PDE3A: variants seen among roughly 807,000 people sequenced by gnomAD.
The protein encoded by PDE3A is phosphodiesterase 3A, also known as cGMP-inhibited 3',5'-cyclic phosphodiesterase 3A.
Under a neutral mutation model 98.3 loss-of-function variants are expected in PDE3A, and 43 were observed. That is an observed-to-expected ratio of 0.44 (90% CI 0.34 to 0.56). The LOEUF (loss-of-function observed/expected upper bound fraction) is 0.56. Among genes scored for constraint, PDE3A ranks in the 20% least tolerant of loss-of-function variants. The pLI is 0.01. For synonymous variants in PDE3A, 663 were observed against 567.9 expected (o/e 1.17, Z -2.38); for missense variants, 1,427 against 1,440.7 (o/e 0.99, Z 0.15).
chr12:20,604,531 G>T (rs78190456), intron 2 of PDE3A, among the ~76,000 whole-genome samples: 5,650 of 152,074 alleles, frequency 0.037, 143 homozygotes, highest in Non-Finnish European at 0.054. Context: ...TAGCTTTCTA[G>T]CTCTTGTTCC....
intron 2 of PDE3A, among the ~76,000 whole-genome samples, chr12:20,610,069 T>C (rs1943810447): frequency 6.6e-6 from 1 of 151,858 alleles, no homozygotes; most frequent in Non-Finnish European, 1.5e-5. Flanking sequence ...ACTAAATAGC[T>C]TCTGCACAGG....
Position 20,552,947 on chromosome 12 carries a change from A to C in PDE3A, c.961-3713A>C. 6.4e-7 allele frequency: 1 copy of C among 1,571,792 alleles called. No individual in the cohort carries two copies. Among genetic ancestry groups the C allele is most frequent in the Admixed American group, 1.9e-5 (1 of 53,378 alleles). Reference sequence around the variant, plus strand: ...GACCTGGGCCGCAGCTATGCCATGCAGGTGAACCAGCCTCTGCAGACCGTC... The same window carrying C: ...GACCTGGGCCGCAGCTATGCCATGCCGGTGAACCAGCCTCTGCAGACCGTC... On this transcript the variant is annotated intron_variant, in intron 1 of 15. Coordinates refer to ENST00000359062, the MANE Select transcript of PDE3A (RefSeq NM_000921.5). This position sits in a 1 kb window ranked among gnomAD's most constrained non-coding sequence, Gnocchi z 5.1.
rs143896298 is a variant in PDE3A at position 20,580,842 on chromosome 12, C to T, written c.1011+24132C>T. Among the ~76,000 whole-genome samples, 66 of 152,264 alleles carry T rather than the reference C, an allele frequency of 4.3e-4. No individual in the cohort carries two copies. In the East Asian group the frequency reaches 9.5e-3, roughly 22 times the overall value. On this transcript the variant is annotated intron_variant, in intron 2 of 15. Coordinates refer to ENST00000359062, the MANE Select transcript of PDE3A (RefSeq NM_000921.5). ...CCTAACAAACACGCAAATATGCAAG[C>T]GTTTCCTAGAAGTGACAGCTAATGG...
intron 2 of PDE3A, among the ~76,000 whole-genome samples, chr12:20,611,120 C>T (rs1943839032): frequency 6.6e-6 from 1 of 151,876 alleles, no homozygotes; most frequent in Admixed American, 6.6e-5. Flanking sequence ...ATTTGACTAT[C>T]TGTACATATA....
intron 1 of PDE3A, among the ~76,000 whole-genome samples, chr12:20,407,384 A>G (rs1444633): frequency 0.74 from 112,181 of 152,192 alleles, 41,627 homozygotes; most frequent in East Asian, 0.98. Context: ...AAAAAATTGA[A>G]CAACTGAATA....
intron 4 of PDE3A, among the ~76,000 whole-genome samples, chr12:20,618,362 C>A (rs918436856): frequency 6.6e-6 from 1 of 150,386 alleles, no homozygotes; most frequent in East Asian, 1.9e-4. Flanking sequence ...TTTATTTATT[C>A]CTTTCCATAT....
chr12:20,572,240 C>T, intron 2 of PDE3A: 2 of 583,312 alleles, frequency 3.4e-6, no homozygotes, highest in Non-Finnish European at 2.6e-6. Context: ...CAGTTGAAAG[C>T]CTTTTAAAAA....
Position 20,583,641 on chromosome 12 carries a change from C to T in PDE3A, c.1011+26931C>T, listed in dbSNP as rs537989213. On this transcript the variant is annotated intron_variant, in intron 2 of 15. Coordinates refer to ENST00000359062, the MANE Select transcript of PDE3A (RefSeq NM_000921.5). The stretch of plus-strand genomic sequence containing the variant: ...AAAATACACATAATATTAGTACCTA[C>T]TTTTCTGGATCATAAGAGGACTAAT... Among the ~76,000 whole-genome samples, 353 of 152,248 alleles carry T rather than the reference C, an allele frequency of 2.3e-3. 1 individual carries two copies. Among genetic ancestry groups the T allele is most frequent in the Middle Eastern group, 0.01 (3 of 294 alleles).
intron 1 of PDE3A, among the ~76,000 whole-genome samples, chr12:20,395,688 T>TTATATATA (rs5796857): frequency 7.0e-6 from 1 of 143,422 alleles, no homozygotes; most frequent in African/African-American, 2.5e-5. Context: ...AATAGAATCA[T>TTATATATA]TATATATATA....
intron 6 of PDE3A, among the ~76,000 whole-genome samples, chr12:20,630,903 A>C (rs1218862619): frequency 6.6e-6 from 1 of 152,168 alleles, no homozygotes; most frequent in East Asian, 1.9e-4. Flanking sequence ...TTCATTTCTG[A>C]GGTTGATGAG....
chr12:20,648,158 C>T (rs958879618), intron 12 of PDE3A, among the ~76,000 whole-genome samples: 2 of 150,820 alleles, frequency 1.3e-5, no homozygotes, highest in Non-Finnish European at 1.5e-5. Context: ...AAGTCATGGA[C>T]ATTTTGGGTA....
chr12:20,645,999 T>C (rs927520420), intron 10 of PDE3A, among the ~76,000 whole-genome samples: 3 of 152,212 alleles, frequency 2.0e-5, no homozygotes, highest in Admixed American at 2.0e-4. Context: ...AGATATGTTA[T>C]TGCAGTGCTT....
At chr12:20,500,999 C>T (rs1946014746) in intron 1 of PDE3A, among the ~76,000 whole-genome samples, 3 of 152,080 alleles carry the variant, frequency 2.0e-5, no homozygotes, top group Admixed American at 2.0e-4. Context: ...AACTCCTGAG[C>T]TCAAGCAATC....
intron 1 of PDE3A, among the ~76,000 whole-genome samples, chr12:20,508,861 CT>C (rs200213393): frequency 2.1e-4 from 30 of 146,220 alleles, no homozygotes; most frequent in East Asian, 6.0e-4. Context: ...TTCTTCAGTA[CT>C]TTTTTTTTTA....
intron 1 of PDE3A, among the ~76,000 whole-genome samples, chr12:20,533,727 C>T (rs887970682): frequency 4.0e-5 from 6 of 151,514 alleles, no homozygotes; most frequent in Non-Finnish European, 8.8e-5. Context: ...TGATCCGCCC[C>T]GCCCCCCTTT....
intron 1 of PDE3A, among the ~76,000 whole-genome samples, chr12:20,524,992 C>T (rs1416739606): frequency 6.6e-6 from 1 of 152,128 alleles, no homozygotes; most frequent in African/African-American, 2.4e-5. Context: ...AAAAGCCAGA[C>T]ATGGTGGTGC....
chr12:20,610,813 G>T (rs1328674742), intron 2 of PDE3A, among the ~76,000 whole-genome samples: 1 of 151,838 alleles, frequency 6.6e-6, no homozygotes, highest in Non-Finnish European at 1.5e-5. Context: ...TCTCACTTAA[G>T]TGTAGAATCT....
intron 1 of PDE3A, among the ~76,000 whole-genome samples, chr12:20,372,138 G>T (rs181988270): frequency 6.6e-6 from 1 of 152,196 alleles, no homozygotes; most frequent in East Asian, 1.9e-4. Flanking sequence ...CATTTTTATT[G>T]GGTTTCTCTG....
intron 15 of PDE3A, among the ~76,000 whole-genome samples, chr12:20,667,357 A>T (rs931755506): frequency 2.6e-5 from 4 of 152,136 alleles, no homozygotes; most frequent in African/African-American, 9.7e-5. Context: ...GCTTAGGTCA[A>T]TGTCCTATAG....
Sources: gnomAD v4.1 joint callset for allele counts (sites outside exome capture counted in the v4.1 genomes callset) on GRCh38, gnomAD v4.1.1 for gene constraint, Gnocchi (gnomAD v3.1) non-coding constraint, MANE v1.5 for transcripts, NCBI Gene and HGNC (gene_info 2026-07-23, HGNC 2026-07-21) for gene names.